The following ANKRD30B variants were observed in gnomAD, a reference collection of about 807,000 sequenced individuals.
ANKRD30B encodes ankyrin repeat domain 30B.
A neutral mutation model predicts 202.2 loss-of-function variants in ANKRD30B; 144 were observed. That is an observed-to-expected ratio of 0.71 (90% CI 0.62 to 0.82). ANKRD30B has a LOEUF of 0.82. ANKRD30B is among the 40% of genes least tolerant of loss of function. The pLI is 0.00. For synonymous variants in ANKRD30B, 508 were observed against 561.3 expected (o/e 0.91, Z 1.34); for missense variants, 1,487 against 1,669.1 (o/e 0.89, Z 1.90).
Position 14,748,490 on chromosome 18 carries a change from G to A in ANKRD30B, c.71G>A (p.Arg24Gln). ...GPEPPNPFSE[R>Q]VYTEKDYGTI... ...GAGCCCCCGAACCCCTTCAGCGAAC[G>A]GGTCTACACTGAGAAGGACTACGGG... Residue 24 changes from arginine to glutamine, a missense_variant, in exon 1 of 44, where the codon CGG becomes CAG. Coordinates refer to ENST00000690538, the MANE Select transcript of ANKRD30B (RefSeq NM_001367607.2). 6.5e-7 allele frequency: 1 copy of A among 1,548,246 alleles called. No individual in the cohort carries two copies. The highest frequency in any genetic ancestry group is 8.7e-7 in the Non-Finnish European group (1 of 1,145,042).
At chr18:14,819,678 T>A (rs947281903) in intron 30 of ANKRD30B, among the ~76,000 whole-genome samples, 1 of 151,956 alleles carries the variant, frequency 6.6e-6, no homozygotes, top group Non-Finnish European at 1.5e-5. Context: ...GTTGTAGATA[T>A]GTGGCGTTAT....
rs927170007 is a variant in ANKRD30B at position 14,838,775 on chromosome 18, T to C, written c.2988+1099T>C. ...AAAAAAATCGTTTAATCTAATCAAA[T>C]ACCAGTAACTTTGTTTATAAAAATA... On this transcript the variant is annotated intron_variant, in intron 36 of 43. Transcript: ENST00000690538. 3.3e-5 allele frequency among the ~76,000 whole-genome samples: 5 copies of C among 152,372 alleles called. No individual in the cohort carries two copies. The South Asian group carries it at 6.2e-4, about 19-fold the overall frequency.
At chr18:14,916,770 A>G in the ANKRD30B span, among the ~76,000 whole-genome samples, 1 of 152,226 alleles carries the variant, frequency 6.6e-6, no homozygotes, top group Non-Finnish European at 1.5e-5. Flanking sequence ...ATGATAGCTA[A>G]CATGCATTTT....
At chr18:14,788,618 C>A (rs1192239447) in intron 15 of ANKRD30B, among the ~76,000 whole-genome samples, 1 of 149,976 alleles carries the variant, frequency 6.7e-6, no homozygotes, top group Non-Finnish European at 1.5e-5. Flanking sequence ...TTGTTCAATT[C>A]CCACCTATGA....
intron 32 of ANKRD30B, chr18:14,825,343 T>A (rs1970614971): frequency 6.6e-6 from 1 of 152,238 alleles, no homozygotes; most frequent in Non-Finnish European, 1.5e-5. Context: ...TCTGCATTCT[T>A]GGCCTCGATA....
At chr18:14,853,462 A>T (rs1971969772) in intron 42 of ANKRD30B, among the ~76,000 whole-genome samples, 1 of 151,658 alleles carries the variant, frequency 6.6e-6, no homozygotes, top group African/African-American at 2.4e-5. Flanking sequence ...AGGAACTTTG[A>T]TGTTGATTTG....
At chr18:14,851,237 G>GTTTT (rs375734323) in intron 41 of ANKRD30B, among the ~76,000 whole-genome samples, 1,531 of 141,196 alleles carry the variant, frequency 0.011, 34 homozygotes, top group African/African-American at 0.037. Context: ...TTCAGGGAAA[G>GTTTT]TTTTTTTTTT....
chr18:14,828,135 A>G lies in ANKRD30B; in HGVS notation c.2744-143A>G, dbSNP rs4113249. ...TCCCAGGCTGCTTTCAGACTCCTGG[A>G]CCTCTCAGATGATCCTCCTGCCTCA... On this transcript the variant is annotated intron_variant, in intron 32 of 43. Coordinates refer to ENST00000690538, the MANE Select transcript of ANKRD30B (RefSeq NM_001367607.2). 2,924 of 649,642 alleles carry G rather than the reference A, an allele frequency of 4.5e-3. 78 individuals carry two copies. In the African/African-American group the frequency reaches 0.05, roughly 11 times the overall value. 40.2% of individuals were successfully genotyped at this position (649,642 alleles called of 1,614,324 possible).
chr18:14,854,636 G>C lies in ANKRD30B; in HGVS notation c.*478G>C, dbSNP rs1972016499. Among the ~76,000 whole-genome samples, 1 of 152,188 alleles carries C rather than the reference G, an allele frequency of 6.6e-6. No homozygotes were observed. Among genetic ancestry groups the C allele is most frequent in the Non-Finnish European group, 1.5e-5 (1 of 68,046 alleles). On this transcript the variant is annotated 3_prime_UTR_variant, in exon 44 of 44. Transcript: ENST00000690538. ...TCCCATTTAGGTACAAGCCTAGACAGACAGGAACACTTTTTTATAATTATA... is the reference window on the plus strand; with the variant it reads ...TCCCATTTAGGTACAAGCCTAGACACACAGGAACACTTTTTTATAATTATA...
At chr18:14,798,736 G>C (rs142427696) in intron 20 of ANKRD30B, among the ~76,000 whole-genome samples, 1,558 of 152,152 alleles carry the variant, frequency 0.01, 14 homozygotes, top group Non-Finnish European at 0.015. Context: ...TAGGAACCTT[G>C]GTGATGTGAA....
intron 30 of ANKRD30B, chr18:14,816,809 G>A (rs1970134322): frequency 6.6e-6 from 1 of 152,206 alleles, no homozygotes; most frequent in South Asian, 2.1e-4. Context: ...CATGTCCTTT[G>A]TAGGGACATG....
the ANKRD30B span, among the ~76,000 whole-genome samples, chr18:14,870,467 C>A: frequency 4.6e-5 from 7 of 152,180 alleles, no homozygotes; most frequent in African/African-American, 1.7e-4. Context: ...AGGTTACCCA[C>A]GGGACTTTGT....
chr18:14,824,311 T>C (rs1330524746), intron 32 of ANKRD30B, among the ~76,000 whole-genome samples: 1 of 152,200 alleles, frequency 6.6e-6, no homozygotes, highest in African/African-American at 2.4e-5. Context: ...TCAACTAATA[T>C]TAGAAATTAA....
chr18:14,845,510 C>A (rs1308057671), intron 39 of ANKRD30B, among the ~76,000 whole-genome samples: 1 of 151,586 alleles, frequency 6.6e-6, no homozygotes, highest in Non-Finnish European at 1.5e-5. Flanking sequence ...AAAATAATGT[C>A]ACATTAACTC....
the ANKRD30B span, among the ~76,000 whole-genome samples, chr18:14,929,811 G>T: frequency 6.6e-6 from 1 of 152,146 alleles, no homozygotes; most frequent in African/African-American, 2.4e-5. Context: ...GTATGTGTGT[G>T]TGCATTTCAT....
chr18:14,851,966 C>A lies in ANKRD30B; in HGVS notation c.4022C>A (p.Thr1341Lys), dbSNP rs1412931487. The change falls in exon 42 of 44, where the codon ACA becomes AAA. Residue 1341 changes from threonine to lysine, a missense_variant. Coordinates refer to ENST00000690538, the MANE Select transcript of ANKRD30B (RefSeq NM_001367607.2). Reference sequence around the variant, plus strand: ...ATAATGAATGTTGATGTGAGTAATACAATATATAACAATGAGGTGCTCCAT... The same window carrying A: ...ATAATGAATGTTGATGTGAGTAATAAAATATATAACAATGAGGTGCTCCAT... ...QGIMNVDVSN[T>K]IYNNEVLHQP... 1 of 1,600,350 alleles carries A rather than the reference C, an allele frequency of 6.2e-7. No homozygotes were observed. Among genetic ancestry groups the A allele is most frequent in the South Asian group, 1.1e-5 (1 of 89,494 alleles).
At chr18:14,930,679 A>G in the ANKRD30B span, among the ~76,000 whole-genome samples, 2 of 151,906 alleles carry the variant, frequency 1.3e-5, no homozygotes, top group Non-Finnish European at 1.5e-5. Context: ...AGTCTCCCCA[A>G]CCCACACAAC....
At chr18:14,787,010 T>G (rs541888614) in intron 14 of ANKRD30B, 29 bp from the exon 15 acceptor site, 4 of 1,590,912 alleles carry the variant, frequency 2.5e-6, no homozygotes, top group East Asian at 2.2e-5. Flanking sequence ...AATGTTCTCA[T>G]GAATACATCT....
At chr18:14,925,341 G>A in the ANKRD30B span, among the ~76,000 whole-genome samples, 1 of 152,140 alleles carries the variant, frequency 6.6e-6, no homozygotes, top group African/African-American at 2.4e-5. Context: ...AGGGGCCCTG[G>A]CACACTTCCC....
Sources: gnomAD v4.1 joint callset for allele counts (sites outside exome capture counted in the v4.1 genomes callset) on GRCh38, gnomAD v4.1.1 for gene constraint, MANE v1.5 for transcripts, NCBI Gene and HGNC (gene_info 2026-07-23, HGNC 2026-07-21) for gene names.